PRKD1: variants seen among roughly 807,000 people sequenced by gnomAD.
PRKD1 encodes the protein serine/threonine-protein kinase D1.
A neutral mutation model predicts 95.9 loss-of-function variants in PRKD1; 63 were observed. The ratio of observed to expected loss-of-function variants is 0.66; its 90% CI spans 0.54 to 0.81. The LOEUF (loss-of-function observed/expected upper bound fraction) is 0.81, where lower values mean the gene tolerates loss of function less well. Among genes scored for constraint, PRKD1 ranks in the 30% least tolerant of loss-of-function variants. The probability of loss-of-function intolerance (pLI) is 0.00; values close to 1 mark genes in which losing one functional copy is unlikely to be tolerated. For synonymous variants in PRKD1, 425 were observed against 423.1 expected (o/e 1.00, Z -0.05); for missense variants, 1,048 against 1,165.3 (o/e 0.90, Z 1.47).
At chr14:29,582,246 T>C (rs549150517) in intron 16 of PRKD1, among the ~76,000 whole-genome samples, 2 of 152,346 alleles carry the variant, frequency 1.3e-5, no homozygotes, top group Admixed American at 1.3e-4. Context: ...CATTCATTCA[T>C]TCTAGAATTT....
At chr14:29,921,406 ATAAATTTCTTTT>A (rs1895101960) in intron 1 of PRKD1, among the ~76,000 whole-genome samples, 1 of 151,702 alleles carries the variant, frequency 6.6e-6, no homozygotes, top group East Asian at 1.9e-4. Flanking sequence ...GATAATAAAT[ATAAATTTCTTTT>A]GTTAATAAGA....
intron 2 of PRKD1, among the ~76,000 whole-genome samples, chr14:29,690,562 C>G (rs912379823): frequency 2.6e-5 from 4 of 152,170 alleles, no homozygotes; most frequent in African/African-American, 9.7e-5. Flanking sequence ...ACCTAAATTT[C>G]TGCTTCAATG....
At position 29,885,087 on chromosome 14, in the gene PRKD1, C is replaced by A. The variant is rs187535213; in HGVS notation, c.264+42162G>T. ...GCAGTGAGCCGAGATCGCACCACTG[C>A]ACTCCCCCCTGGGCAACAGAGCGAG... On this transcript the variant is annotated intron_variant, in intron 1 of 17. Transcript: ENST00000331968. Among the ~76,000 whole-genome samples, 272 of 148,324 alleles carry A rather than the reference C, an allele frequency of 1.8e-3. 1 individual carries two copies. Among genetic ancestry groups the A allele is most frequent in the African/African-American group, 6.6e-3 (263 of 39,728 alleles).
At position 29,695,165 on chromosome 14, in the gene PRKD1, C is replaced by T. The variant is rs531205169; in HGVS notation, c.404-28957G>A. 1.4e-3 allele frequency among the ~76,000 whole-genome samples: 209 copies of T among 145,268 alleles called. 1 individual carries two copies. The highest frequency in any genetic ancestry group is 4.8e-3 in the African/African-American group (188 of 39,094). ...AGGAGAATCACTTGAACCCGGGAGGCGGAGGTTGCAGTGAGCTGAGATCCT... is the reference window on the plus strand; with the variant it reads ...AGGAGAATCACTTGAACCCGGGAGGTGGAGGTTGCAGTGAGCTGAGATCCT... On this transcript the variant is annotated intron_variant, in intron 2 of 17. Transcript: ENST00000331968.
chr14:29,747,251 A>G (rs1887266834), intron 1 of PRKD1, among the ~76,000 whole-genome samples: 1 of 152,172 alleles, frequency 6.6e-6, no homozygotes, highest in Admixed American at 6.5e-5. Flanking sequence ...GGTACCCATT[A>G]ACAGTGCTAG....
chr14:29,833,110 T>C (rs1891478322), intron 1 of PRKD1, among the ~76,000 whole-genome samples: 1 of 152,108 alleles, frequency 6.6e-6, no homozygotes, highest in Admixed American at 6.5e-5. Flanking sequence ...TTATTAACTA[T>C]AAAATATTTC....
chr14:29,716,591 C>T (rs569763488), intron 2 of PRKD1, among the ~76,000 whole-genome samples: 11 of 152,078 alleles, frequency 7.2e-5, no homozygotes, highest in African/African-American at 2.2e-4. Context: ...GGAGCTGTAA[C>T]GAAGATATGA....
In PRKD1 at chr14:29,641,681, T is replaced by C. The variant is rs75717538; in HGVS notation, c.697-2777A>G. ...AAAGTAAGACTGGGTCATTATCTGA[T>C]GAGTCCCTAAGCGCTTATAGGGTTT... On this transcript the variant is annotated intron_variant, in intron 4 of 17. Transcript: ENST00000331968. Among the ~76,000 whole-genome samples, 205 of 152,262 alleles carry C rather than the reference T, an allele frequency of 1.3e-3. 6 individuals are homozygous for C. In the East Asian group the frequency reaches 0.031, roughly 23 times the overall value.
intron 1 of PRKD1, among the ~76,000 whole-genome samples, chr14:29,898,069 T>C (rs1385561224): frequency 1.3e-5 from 2 of 152,140 alleles, no homozygotes; most frequent in African/African-American, 2.4e-5. Flanking sequence ...TTTAGAAATT[T>C]TTTGAATTTA....
chr14:29,799,420 C>T (rs1174307222), intron 1 of PRKD1, among the ~76,000 whole-genome samples: 1 of 152,196 alleles, frequency 6.6e-6, no homozygotes, highest in Admixed American at 6.5e-5. Flanking sequence ...TCAAAACAGA[C>T]ACCTGAAATT....
intron 16 of PRKD1, among the ~76,000 whole-genome samples, chr14:29,588,471 T>C (rs562592422): frequency 6.6e-6 from 1 of 152,318 alleles, no homozygotes; most frequent in South Asian, 2.1e-4. Context: ...AAAAATATCT[T>C]AAAAATTTAG....
chr14:29,891,285 A>G (rs1261689492), intron 1 of PRKD1, among the ~76,000 whole-genome samples: 2 of 152,232 alleles, frequency 1.3e-5, no homozygotes, highest in African/African-American at 4.8e-5. Context: ...AGTAATAATC[A>G]GGAATGGAGT....
At chr14:29,788,199 T>C (rs1209802668) in intron 1 of PRKD1, among the ~76,000 whole-genome samples, 1 of 152,192 alleles carries the variant, frequency 6.6e-6, no homozygotes, top group Admixed American at 6.5e-5. Flanking sequence ...ATCATGTTCT[T>C]AGCTGTCATT....
intron 16 of PRKD1, among the ~76,000 whole-genome samples, chr14:29,590,802 A>G (rs1893099201): frequency 6.6e-6 from 1 of 151,914 alleles, no homozygotes; most frequent in African/African-American, 2.4e-5. Flanking sequence ...TTATTTATTT[A>G]TTTTTTGAGA....
Position 29,597,642 on chromosome 14 carries a change from A to AT in PRKD1, c.2282dup (p.Asn761LysfsTer24). The AT allele has an allele frequency of 6.2e-7, 1 of 1,614,042 alleles. No homozygotes were observed. The highest frequency in any genetic ancestry group is 8.5e-7 in the Non-Finnish European group (1 of 1,179,976). On this transcript the variant is annotated frameshift_variant, in exon 16 of 18. Transcript: ENST00000331968. LOFTEE classifies it high-confidence loss of function. ...CAACAGACCACATGTCTAGAGAGCG[A>AT]TTGTAGCCCTTGTTCCTTAGGACCT... is the stretch of plus-strand genomic sequence containing the variant.
intron 2 of PRKD1, among the ~76,000 whole-genome samples, chr14:29,704,923 G>T (rs1454105285): frequency 6.6e-6 from 1 of 151,826 alleles, no homozygotes; most frequent in African/African-American, 2.4e-5. Context: ...CACACAATTC[G>T]GTCCATGTGA....
At chr14:29,912,353 A>T (rs554020656) in intron 1 of PRKD1, among the ~76,000 whole-genome samples, 2 of 152,362 alleles carry the variant, frequency 1.3e-5, no homozygotes, top group South Asian at 4.1e-4. Context: ...ATAATTTTCC[A>T]CATGGAGAAA....
At chr14:29,880,546 G>GC (rs1893469466) in intron 1 of PRKD1, among the ~76,000 whole-genome samples, 1 of 152,146 alleles carries the variant, frequency 6.6e-6, no homozygotes. Flanking sequence ...TGGGGTTGAA[G>GC]CCCCCACACA....
At chr14:29,741,662 G>A (rs183891052) in intron 1 of PRKD1, among the ~76,000 whole-genome samples, 21 of 151,906 alleles carry the variant, frequency 1.4e-4, no homozygotes, top group East Asian at 9.7e-4. Context: ...TGCAATTTCT[G>A]CTTGCCTTCT....
Sources: gnomAD v4.1 joint callset for allele counts (sites outside exome capture counted in the v4.1 genomes callset) on GRCh38, gnomAD v4.1.1 for gene constraint, MANE v1.5 for transcripts, NCBI Gene and HGNC (gene_info 2026-07-23, HGNC 2026-07-21) for gene names.